The following TMEM217 variants were observed in gnomAD, a reference collection of about 807,000 sequenced individuals.
TMEM217 encodes chromosome 6 open reading frame 128.
For missense variants in TMEM217, 204 were observed against 248.8 expected (o/e 0.82, Z 1.21); for synonymous variants, 76 against 88.3 (o/e 0.86, Z 0.78).
chr6:37,249,959 G>T (rs569613616), intron 1 of TMEM217, among the ~76,000 whole-genome samples: 12 of 152,332 alleles, frequency 7.9e-5, no homozygotes, highest in Middle Eastern at 3.4e-3. Context: ...ACATAAGAAA[G>T]TTTGTAGCAG....
intron 1 of TMEM217, among the ~76,000 whole-genome samples, chr6:37,226,385 C>T (rs1473178106): frequency 3.3e-5 from 5 of 149,260 alleles, no homozygotes; most frequent in African/African-American, 7.4e-5. Context: ...CTCCGCCTCC[C>T]GGGTTCACGC....
At chr6:37,239,553 A>G (rs929854263) in intron 1 of TMEM217, among the ~76,000 whole-genome samples, 1 of 152,298 alleles carries the variant, frequency 6.6e-6, no homozygotes, top group Non-Finnish European at 1.5e-5. Flanking sequence ...GCATAGTGTA[A>G]TTAATGATAT....
rs7742372 is a variant in TMEM217 at position 37,218,368 on chromosome 6, G to T, written c.*54C>A. 3.4e-4 allele frequency: 472 copies of T among 1,372,862 alleles called. 3 individuals are homozygous for T. The African/African-American group carries it at 6.1e-3, about 18-fold the overall frequency. The allele number at this position is 1,372,862 out of a possible 1,614,324, so 85.0% of individuals were successfully genotyped here. On this transcript the variant is annotated 3_prime_UTR_variant, in exon 2 of 2. Coordinates refer to ENST00000357219, the Ensembl canonical transcript of TMEM217. The stretch of plus-strand genomic sequence containing the variant: ...TTTTTTTTAGTAGAGACGGGGTTTT[G>T]CCATGGCTGCCAAGGCCAGGCTGGT...
intron 1 of TMEM217, among the ~76,000 whole-genome samples, chr6:37,252,633 ATATATTTTTTTTTT>A (rs1562027933): frequency 2.7e-5 from 2 of 75,274 alleles, no homozygotes; most frequent in Admixed American, 1.6e-4. Context: ...ATATATATAT[ATATATTTTTTTTTT>A]TTTTTTTTTT....
chr6:37,217,849 A>G (rs1763298609), exon 2 of TMEM217: 4 of 985,460 alleles, frequency 4.1e-6, no homozygotes, highest in Non-Finnish European at 4.8e-6. Flanking sequence ...GGATTGCCCT[A>G]CTGCAATTCA....
intron 1 of TMEM217, among the ~76,000 whole-genome samples, chr6:37,227,777 T>C (rs1763927532): frequency 6.6e-6 from 1 of 151,754 alleles, no homozygotes; most frequent in Admixed American, 6.6e-5. Context: ...ATTATCTTTA[T>C]CATTATTACA....
chr6:37,212,532 G>C (rs1421199675), exon 4 of TMEM217: 3 of 458,208 alleles, frequency 6.5e-6, no homozygotes, highest in Non-Finnish European at 1.3e-5. Flanking sequence ...CCTTGTAAAG[G>C]TTGTATGCAT....
rs952968246 is a variant in TMEM217, at chr6:37,246,094, G to A, written c.-12+11474C>T. ...TGGGATTACAGGCGTGAGCCACTGCGCCCGGCCAACAGGCTCTCATTTTCT... is the reference window on the plus strand; with the variant it reads ...TGGGATTACAGGCGTGAGCCACTGCACCCGGCCAACAGGCTCTCATTTTCT... On this transcript the variant is annotated intron_variant, in intron 1 of 1. Coordinates refer to ENST00000357219, the Ensembl canonical transcript of TMEM217. 3.9e-5 allele frequency among the ~76,000 whole-genome samples: 6 copies of A among 152,082 alleles called. No homozygotes were observed. In the South Asian group the frequency reaches 8.3e-4, roughly 21 times the overall value.
intron 1 of TMEM217, among the ~76,000 whole-genome samples, chr6:37,231,413 A>C (rs942501575): frequency 3.3e-5 from 5 of 149,340 alleles, no homozygotes; most frequent in African/African-American, 1.2e-4. Context: ...GGTGGCTCAT[A>C]CCTCTAATCC....
At chr6:37,245,055 G>A (rs1262521226) in intron 1 of TMEM217, among the ~76,000 whole-genome samples, 2 of 152,222 alleles carry the variant, frequency 1.3e-5, no homozygotes, top group East Asian at 3.8e-4. Context: ...TGCTTTGCAA[G>A]CCATGGCTTG....
At chr6:37,213,130 A>C (rs3897278), downstream of TMEM217, 8,549 of 657,084 alleles carry the variant, frequency 0.013, 463 homozygotes, top group African/African-American at 0.12. Context: ...GCTGGAAGTT[A>C]AGGGACATGG....
downstream of TMEM217, chr6:37,213,097 G>T: frequency 1.2e-6 from 1 of 805,186 alleles, no homozygotes; most frequent in Non-Finnish European, 2.0e-6. Context: ...TAAGAGCAAT[G>T]ATGGTGTGTG....
At chr6:37,214,130 C>T (rs1274918575), downstream of TMEM217, among the ~76,000 whole-genome samples, 1 of 152,216 alleles carries the variant, frequency 6.6e-6, no homozygotes, top group Non-Finnish European at 1.5e-5. Flanking sequence ...ATGTAAAATT[C>T]ACCACTTTAG....
At chr6:37,242,127 G>C (rs980399405) in intron 1 of TMEM217, among the ~76,000 whole-genome samples, 5 of 151,618 alleles carry the variant, frequency 3.3e-5, no homozygotes, top group Non-Finnish European at 7.4e-5. Context: ...AAGACAGTGT[G>C]GTCACTGTGA....
intron 1 of TMEM217, among the ~76,000 whole-genome samples, chr6:37,229,229 C>A (rs572350801): frequency 6.6e-6 from 1 of 150,942 alleles, no homozygotes; most frequent in South Asian, 2.1e-4. Context: ...AACAACTATT[C>A]AGCATTTAGT....
chr6:37,233,485 A>T (rs1764321595), intron 1 of TMEM217, among the ~76,000 whole-genome samples: 1 of 152,126 alleles, frequency 6.6e-6, no homozygotes, highest in South Asian at 2.1e-4. Context: ...GCATGCTCAC[A>T]TGGGAGAAGG....
chr6:37,253,435 C>T (rs1401270357), intron 1 of TMEM217, among the ~76,000 whole-genome samples: 3 of 152,158 alleles, frequency 2.0e-5, no homozygotes, highest in African/African-American at 7.2e-5. Flanking sequence ...ACTTTCTCTT[C>T]CTCTCTTTAT....
At chr6:37,241,478 A>T (rs1329912022) in intron 1 of TMEM217, among the ~76,000 whole-genome samples, 1 of 152,072 alleles carries the variant, frequency 6.6e-6, no homozygotes. Flanking sequence ...CCCTCCTCCA[A>T]CCTCAGTAAG....
intron 1 of TMEM217, among the ~76,000 whole-genome samples, chr6:37,232,489 C>T (rs1047668603): frequency 6.6e-6 from 1 of 152,132 alleles, no homozygotes; most frequent in Non-Finnish European, 1.5e-5. Context: ...GGGTTCACGC[C>T]ATTCTCCTGC....
Sources: allele counts gnomAD v4.1 joint callset (sites outside exome capture counted in the v4.1 genomes callset), GRCh38; gene constraint gnomAD v4.1.1; transcripts MANE v1.5; gene names NCBI Gene and HGNC (gene_info 2026-07-23, HGNC 2026-07-21).